PTPRQ: variants seen among roughly 807,000 people sequenced by gnomAD.
The protein encoded by PTPRQ is protein tyrosine phosphatase receptor type Q.
Under a neutral mutation model 246.0 loss-of-function variants are expected in PTPRQ, and 199 were observed. The ratio of observed to expected loss-of-function variants is 0.81; its 90% CI spans 0.72 to 0.91. The LOEUF is 0.91. PTPRQ is among the 40% of genes least tolerant of loss of function. The pLI is 0.00. For missense variants in PTPRQ, 2,624 were observed against 2,528.4 expected (o/e 1.04, Z -0.81); for synonymous variants, 869 against 853.2 (o/e 1.02, Z -0.32).
chr12:80,670,536 T>G (rs1339394646), intron 42 of PTPRQ, 44 bp downstream of exon 42: 2 of 1,430,670 alleles, frequency 1.4e-6, no homozygotes, highest in South Asian at 1.6e-5. Flanking sequence ...ATTGGTCTTT[T>G]TATTATTAAA....
At chr12:80,501,302 T>C (rs189132794) in intron 14 of PTPRQ, among the ~76,000 whole-genome samples, 8 of 151,974 alleles carry the variant, frequency 5.3e-5, no homozygotes, top group Non-Finnish European at 1.2e-4. Flanking sequence ...AGATTGCTGC[T>C]GAATATGTTG....
At position 80,602,339 on chromosome 12, in the gene PTPRQ, T is replaced by C. The variant is rs572638831; in HGVS notation, c.4610-2720T>C. ...ATATGCCTAAGAAATATATTCTAAA[T>C]ATCAATTACTTATTCACAGTTTAAA... On this transcript the variant is annotated intron_variant, in intron 26 of 44. Transcript: ENST00000644991. Among the ~76,000 whole-genome samples, 106 of 151,958 alleles carry C rather than the reference T, an allele frequency of 7.0e-4. 1 individual carries two copies. The highest frequency in any genetic ancestry group is 2.4e-3 in the African/African-American group (101 of 41,500).
At chr12:80,459,573 C>G (rs1893085553) in intron 5 of PTPRQ, 90 bp downstream of exon 5, 2 of 396,342 alleles carry the variant, frequency 5.0e-6, no homozygotes, top group Admixed American at 8.8e-5. Flanking sequence ...ATATTTTTAC[C>G]AAAGTTTTAT....
intron 32 of PTPRQ, among the ~76,000 whole-genome samples, chr12:80,621,346 C>T (rs1177650602): frequency 2.0e-5 from 3 of 151,806 alleles, no homozygotes; most frequent in Non-Finnish European, 2.9e-5. Flanking sequence ...CTGAAACAGA[C>T]TCTTCATATA....
chr12:80,557,877 C>A (rs1420510700), intron 25 of PTPRQ, among the ~76,000 whole-genome samples: 1 of 152,170 alleles, frequency 6.6e-6, no homozygotes, highest in Non-Finnish European at 1.5e-5. Flanking sequence ...TGGCATCTCT[C>A]CTCATTCTGA....
intron 39 of PTPRQ, among the ~76,000 whole-genome samples, chr12:80,663,455 G>T (rs1473236781): frequency 6.6e-6 from 1 of 151,852 alleles, no homozygotes. Flanking sequence ...TCAATCCTCA[G>T]TGCCACCTCC....
At position 80,467,637 on chromosome 12, in the gene PTPRQ, GA is replaced by G. The variant is rs1475682925; in HGVS notation, c.911-1069del. Among the ~76,000 whole-genome samples, 61 of 152,134 alleles carry G rather than the reference GA, an allele frequency of 4.0e-4. 1 individual carries two copies. Among genetic ancestry groups the G allele is most frequent in the African/African-American group, 1.5e-3 (61 of 41,496 alleles). On this transcript the variant is annotated intron_variant, in intron 6 of 44. Coordinates refer to ENST00000644991, the MANE Select transcript of PTPRQ (RefSeq NM_001145026.2). The stretch of plus-strand genomic sequence containing the variant: ...GTCCAACAATGATAGACTGGATTAA[GA>G]AAATGTGGCACATATACACCATGGA...
At chr12:80,575,511 G>A (rs1897256866) in intron 25 of PTPRQ, among the ~76,000 whole-genome samples, 2 of 152,136 alleles carry the variant, frequency 1.3e-5, no homozygotes, top group African/African-American at 2.4e-5. Flanking sequence ...AAGCCCAGAT[G>A]TTTAAGGTTA....
chr12:80,457,878 A>G (rs1272798877), intron 4 of PTPRQ, among the ~76,000 whole-genome samples: 1 of 152,102 alleles, frequency 6.6e-6, no homozygotes, highest in African/African-American at 2.4e-5. Context: ...AAACAAGAAT[A>G]AAAAATGAAA....
At chr12:80,448,887 C>T (rs539422133) in intron 3 of PTPRQ, among the ~76,000 whole-genome samples, 5,876 of 145,252 alleles carry the variant, frequency 0.04, 404 homozygotes, top group African/African-American at 0.14. Flanking sequence ...TGGGTATATA[C>T]CCAGTAATGG....
At chr12:80,661,395 C>T (rs1015965962) in intron 39 of PTPRQ, among the ~76,000 whole-genome samples, 1 of 150,126 alleles carries the variant, frequency 6.7e-6, no homozygotes, top group Non-Finnish European at 1.5e-5. Context: ...CCACTATTCA[C>T]TCCTTTAGCA....
chr12:80,606,315 A>G (rs1387099416), intron 27 of PTPRQ, among the ~76,000 whole-genome samples: 2 of 151,014 alleles, frequency 1.3e-5, no homozygotes, highest in Non-Finnish European at 3.0e-5. Context: ...GAGATTCACT[A>G]TGGAATGTGC....
rs1340131597 is a variant in PTPRQ, at chr12:80,444,804, A to G, written c.118A>G (p.Thr40Ala). The G allele has an allele frequency of 9.1e-6, 14 of 1,539,094 alleles. No homozygotes were observed. The highest frequency in any genetic ancestry group is 1.1e-5 in the Non-Finnish European group (12 of 1,138,488). Residue 40 changes from threonine (T) to alanine (A), a missense_variant, in exon 2 of 45, where the codon ACA becomes GCA. Thr to Ala is a moderately conservative substitution (Grantham distance 58). Coordinates refer to ENST00000644991, the MANE Select transcript of PTPRQ (RefSeq NM_001145026.2). ...YDITISSIST[T>A]YTSPVTRIVT... The stretch of plus-strand genomic sequence containing the variant: ...TATAACCATCTCTTCAATTTCTACA[A>G]CATACACCTCACCTGTTACTAGAAT...
At chr12:80,616,296 T>G in intron 30 of PTPRQ, 30 bp downstream of exon 30, 1 of 1,448,112 alleles carries the variant, frequency 6.9e-7, no homozygotes, top group Non-Finnish European at 9.1e-7. Flanking sequence ...TCCTATGAAA[T>G]GCTATTAATC....
At chr12:80,457,323 A>G (rs1207492603) in intron 3 of PTPRQ, among the ~76,000 whole-genome samples, 1 of 152,010 alleles carries the variant, frequency 6.6e-6, no homozygotes, top group Non-Finnish European at 1.5e-5. Context: ...TTGCTCTACC[A>G]TTTATTCCTG....
chr12:80,652,734 TA>T lies in PTPRQ; in HGVS notation c.6025-9del, dbSNP rs1399779882. 1.3e-6 allele frequency: 2 copies of T among 1,491,996 alleles called. No homozygotes were observed. The highest frequency in any genetic ancestry group is 2.7e-5 in the East Asian group (1 of 37,298). The allele number at this position is 1,491,996 out of a possible 1,614,324, so 92.4% of individuals were successfully genotyped here. On this transcript the variant is annotated splice_polypyrimidine_tract_variant and intron_variant, in intron 37 of 44. Transcript: ENST00000644991. ...ATAAATGTAAACTTTGTAATGACTT[TA>T]TTTTACAGGAATTACCAAAATTTCT...
At chr12:80,549,089 A>G (rs1896391972) in intron 24 of PTPRQ, among the ~76,000 whole-genome samples, 1 of 152,180 alleles carries the variant, frequency 6.6e-6, no homozygotes, top group East Asian at 1.9e-4. Flanking sequence ...TGTTTTGCAT[A>G]AAAATGTTCC....
intron 3 of PTPRQ, among the ~76,000 whole-genome samples, chr12:80,448,735 TG>T (rs1477633927): frequency 6.7e-6 from 1 of 149,310 alleles, no homozygotes; most frequent in Non-Finnish European, 1.5e-5. Flanking sequence ...TAGTATTCCA[TG>T]GTGTATATGT....
At chr12:80,646,586 A>G (rs1266827786) in intron 35 of PTPRQ, among the ~76,000 whole-genome samples, 2 of 152,194 alleles carry the variant, frequency 1.3e-5, no homozygotes, top group Non-Finnish European at 2.9e-5. Context: ...GCCTGGATGC[A>G]GGAGACACTC....
Sources: gnomAD v4.1 joint callset for allele counts (sites outside exome capture counted in the v4.1 genomes callset) on GRCh38, gnomAD v4.1.1 for gene constraint, MANE v1.5 for transcripts, NCBI Gene and HGNC (gene_info 2026-07-23, HGNC 2026-07-21) for gene names.